Variants in SRL observed in about 807,000 individuals in gnomAD.
SRL encodes the protein sarcalumenin.
SRL carries 23 observed loss-of-function variants against 39.5 expected under a neutral mutation model. That is an observed-to-expected ratio of 0.58 (90% CI 0.42 to 0.82). The LOEUF (loss-of-function observed/expected upper bound fraction) is 0.82. Ranked by LOEUF, SRL falls within the 40% of genes least tolerant of loss-of-function variation. The pLI, the probability that SRL is intolerant of heterozygous loss-of-function variation, is 0.00. For synonymous variants in SRL, 272 were observed against 237.4 expected (o/e 1.15, Z -1.34); for missense variants, 592 against 607.8 (o/e 0.97, Z 0.27).
rs757589008 is a variant in SRL, at chr16:4,195,784, C to T, written c.379G>A (p.Ala127Thr). 1.3e-5 allele frequency: 21 copies of T among 1,612,700 alleles called. No individual in the cohort carries two copies. The highest frequency in any genetic ancestry group is 1.6e-4 in the Middle Eastern group (1 of 6,066). ...ENTRYQLYTG[A>T]EPTTSEFTVL... ...GTGAACTCAGAGGTGGTGGGTTCAG[C>T]GCCTGGGCACACGGGGTGAGAGGTG... is the stretch of plus-strand genomic sequence containing the variant. The change falls in exon 5 of 6, where the codon GCT becomes ACT. Residue 127 changes from alanine to threonine, a missense_variant and splice_region_variant. Transcript: ENST00000399609.
At chr16:4,222,211 C>T (rs76116416) in intron 1 of SRL, among the ~76,000 whole-genome samples, 19,121 of 152,130 alleles carry the variant, frequency 0.13, 2,115 homozygotes, top group African/African-American at 0.3. Flanking sequence ...CCTTGGGAGT[C>T]GTCCCCGACC....
At chr16:4,235,194 C>T (rs1383367236) in intron 1 of SRL, among the ~76,000 whole-genome samples, 2 of 152,156 alleles carry the variant, frequency 1.3e-5, no homozygotes, top group Non-Finnish European at 2.9e-5. Context: ...ACAGGTGAGG[C>T]CAGGGGCGAG....
Position 4,189,458 on chromosome 16 carries a change from G to C in SRL, c.*2695C>G, listed in dbSNP as rs1377915149. The C allele has an allele frequency of 6.6e-6, 1 of 152,238 alleles. No individual in the cohort carries two copies. Among genetic ancestry groups the C allele is most frequent in the Non-Finnish European group, 1.5e-5 (1 of 68,070 alleles). 9.4% of individuals were successfully genotyped at this position (152,238 alleles called of 1,614,324 possible). ...AAGGTTCTGCCACTGTCCAGGCACAGATCCTTCCAGACACTCCTCTTGGGG... is the reference window on the plus strand; with the variant it reads ...AAGGTTCTGCCACTGTCCAGGCACACATCCTTCCAGACACTCCTCTTGGGG... On this transcript the variant is annotated 3_prime_UTR_variant, in exon 6 of 6. Coordinates refer to ENST00000399609, the MANE Select transcript of SRL (RefSeq NM_001098814.2).
intron 1 of SRL, among the ~76,000 whole-genome samples, chr16:4,231,646 G>A (rs899515354): frequency 6.6e-6 from 1 of 152,122 alleles, no homozygotes; most frequent in African/African-American, 2.4e-5. Context: ...CATGTCATGA[G>A]CAGGGGCTGT....
intron 4 of SRL, 134 bp from the exon 5 acceptor site, chr16:4,195,920 GCTTT>G: frequency 1.4e-6 from 1 of 707,996 alleles, no homozygotes; most frequent in South Asian, 1.9e-5. Flanking sequence ...AGCTATTGGG[GCTTT>G]CTTTTAATTG....
Position 4,207,041 on chromosome 16 carries a change from G to A in SRL, c.62-2407C>T, listed in dbSNP as rs547841934. 3.4e-4 allele frequency: 156 copies of A among 452,880 alleles called. 1 individual carries two copies. Among genetic ancestry groups the A allele is most frequent in the South Asian group, 1.4e-4 (9 of 64,168 alleles). The allele number at this position is 452,880 out of a possible 1,614,324, so 28.1% of individuals were successfully genotyped here. On this transcript the variant is annotated intron_variant, in intron 1 of 5. Transcript: ENST00000399609. ...GATCCCCGCCTTCCTGGGACTCCTC[G>A]GCTTCCTGCAGATCCCCGCCTTCCT...
intron 3 of SRL, among the ~76,000 whole-genome samples, chr16:4,201,428 C>A (rs185026667): frequency 2.0e-5 from 3 of 151,884 alleles, no homozygotes; most frequent in Admixed American, 2.0e-4. Context: ...AGGCACCCAC[C>A]ACCACACCCA....
At chr16:4,214,144 A>G (rs1015909330) in intron 1 of SRL, among the ~76,000 whole-genome samples, 5 of 152,148 alleles carry the variant, frequency 3.3e-5, no homozygotes, top group Admixed American at 6.6e-5. Context: ...TGAAGTTGAA[A>G]CTAGAGATGG....
At chr16:4,210,894 A>G (rs2052384623) in intron 1 of SRL, among the ~76,000 whole-genome samples, 1 of 152,164 alleles carries the variant, frequency 6.6e-6, no homozygotes, top group Non-Finnish European at 1.5e-5. Flanking sequence ...GAGCCACAGT[A>G]TCCCCCGGGA....
chr16:4,229,377 G>A (rs1340969226), intron 1 of SRL, among the ~76,000 whole-genome samples: 1 of 152,024 alleles, frequency 6.6e-6, no homozygotes, highest in Non-Finnish European at 1.5e-5. Context: ...ATGAACCCAG[G>A]AGGCGGAGCT....
At chr16:4,241,924 C>G in intron 1 of SRL, 83 bp downstream of exon 1, 1 of 1,521,376 alleles carries the variant, frequency 6.6e-7, no homozygotes, top group Non-Finnish European at 9.1e-7. Flanking sequence ...CCCCGACCCC[C>G]TACCCAACCC....
intron 1 of SRL, among the ~76,000 whole-genome samples, chr16:4,238,875 G>A (rs2052742116): frequency 6.6e-6 from 1 of 151,764 alleles, no homozygotes; most frequent in Non-Finnish European, 1.5e-5. Context: ...CCCACCTTGG[G>A]TTCCCAAAGC....
intron 1 of SRL, among the ~76,000 whole-genome samples, chr16:4,228,643 G>A (rs1198029026): frequency 6.6e-6 from 1 of 151,896 alleles, no homozygotes; most frequent in Non-Finnish European, 1.5e-5. Flanking sequence ...GTTGAGGCAG[G>A]AGAATGGAGT....
At chr16:4,226,958 G>T (rs1309521175) in intron 1 of SRL, among the ~76,000 whole-genome samples, 1 of 151,462 alleles carries the variant, frequency 6.6e-6, no homozygotes, top group African/African-American at 2.4e-5. Context: ...ATGAGTAGAT[G>T]CATGGACGGG....
At chr16:4,218,130 A>C (rs937411041) in intron 1 of SRL, among the ~76,000 whole-genome samples, 43 of 152,108 alleles carry the variant, frequency 2.8e-4, no homozygotes, top group Non-Finnish European at 5.1e-4. Context: ...AGCCTCAGTC[A>C]GCCCTGATTC....
At chr16:4,204,434 G>C (rs576335891) in intron 2 of SRL, 99 bp downstream of exon 2, 8 of 1,101,832 alleles carry the variant, frequency 7.3e-6, no homozygotes, top group Non-Finnish European at 9.6e-6. Context: ...CCAAGATACA[G>C]CCCCGGCACG....
rs1476961977 is a variant in SRL, at chr16:4,192,821, T to G, written c.754A>C (p.Ile252Leu). The G allele has an allele frequency of 6.2e-7, 1 of 1,614,166 alleles. No homozygotes were observed. The highest frequency in any genetic ancestry group is 1.7e-5 in the Admixed American group (1 of 60,018). Residue 252 changes from isoleucine to leucine, a missense_variant, in exon 6 of 6, where the codon ATC becomes CTC. Ile to Leu is a conservative substitution (Grantham distance 5). Transcript: ENST00000399609. The surrounding 1 kb of genome is among the most constrained non-coding windows in gnomAD (Gnocchi z 4.0). The part of the protein sequence containing the change: ...QLKGRESQIR[I>L]ILNKADNLAT... Reference sequence around the variant, plus strand: ...AGATTGTCAGCCTTGTTCAGGATGATCCTTATCTGGGATTCACGCCCCTTC... The same window carrying G: ...AGATTGTCAGCCTTGTTCAGGATGAGCCTTATCTGGGATTCACGCCCCTTC...
At chr16:4,195,839 C>T in intron 4 of SRL, 53 bp from the exon 5 acceptor site, 1 of 1,474,762 alleles carries the variant, frequency 6.8e-7, no homozygotes, top group Non-Finnish European at 9.3e-7. Flanking sequence ...TGAAACAGAT[C>T]TACTGAGAAG....
chr16:4,194,274 TCCCAAATTGAAAATTCTGTA>T (rs2052105222), intron 5 of SRL, among the ~76,000 whole-genome samples: 1 of 152,200 alleles, frequency 6.6e-6, no homozygotes, highest in African/African-American at 2.4e-5. Context: ...TTATTCATCT[TCCCAAATTGAAAATTCTGTA>T]CCCATTAACA....
Sources: allele counts gnomAD v4.1 joint callset (sites outside exome capture counted in the v4.1 genomes callset), GRCh38; gene constraint gnomAD v4.1.1; non-coding constraint Gnocchi (gnomAD v3.1); transcripts MANE v1.5; gene names NCBI Gene and HGNC (gene_info 2026-07-23, HGNC 2026-07-21).